Variants in CENPO observed in about 807,000 individuals in gnomAD.
The protein encoded by CENPO is centromeric protein O.
A neutral mutation model predicts 36.1 loss-of-function variants in CENPO; 30 were observed. That is an observed-to-expected ratio of 0.83 (90% CI 0.62 to 1.13). CENPO has a LOEUF of 1.13. CENPO is among the 50% of genes most tolerant of loss of function. The pLI, the probability that CENPO is intolerant of heterozygous loss-of-function variation, is 0.00. For synonymous variants in CENPO, 171 were observed against 142.3 expected (o/e 1.20, Z -1.44); for missense variants, 349 against 357.8 (o/e 0.98, Z 0.20).
intron 3 of CENPO, among the ~76,000 whole-genome samples, chr2:24,808,166 A>G (rs1666503479): frequency 6.6e-6 from 1 of 152,134 alleles, no homozygotes. Flanking sequence ...TGTTTAATAA[A>G]TCTTTGTCTA....
rs150701380 is a variant in CENPO, at chr2:24,814,399, A to G, written c.240A>G (p.Val80=). ...AGGTGAAAGCATGTATTGCCAATGT[A>G]GAACCCAACCAAACAGTGGAGATCA... ...RASVKACIAN[V]EPNQTVEINE... is the part of the protein sequence containing the mutation. Residue 80 remains valine, a synonymous_variant, in exon 4 of 8, where the codon GTA becomes GTG. Coordinates refer to ENST00000380834, the MANE Select transcript of CENPO (RefSeq NM_001322101.2). 77 of 1,594,764 alleles carry G rather than the reference A, an allele frequency of 4.8e-5. No homozygotes were observed. The African/African-American group carries it at 8.4e-4, about 17-fold the overall frequency.
In CENPO at chr2:24,822,071, G is replaced by A. The variant is rs1667816112; in HGVS notation, c.*2753G>A. ...GGTTGTAGAGGTAAAGCAGGATGATGGTGTTTTAAGACCAGAGCTTGGGAC... is the reference window on the plus strand; with the variant it reads ...GGTTGTAGAGGTAAAGCAGGATGATAGTGTTTTAAGACCAGAGCTTGGGAC... On this transcript the variant is annotated 3_prime_UTR_variant, in exon 8 of 8. Transcript: ENST00000380834. The A allele has an allele frequency of 5.3e-6, 1 of 189,644 alleles. No homozygotes were observed. The highest frequency in any genetic ancestry group is 2.3e-5 in the African/African-American group (1 of 42,664). The allele number at this position is 189,644 out of a possible 1,614,324, so 11.7% of individuals were successfully genotyped here.
chr2:24,805,055 TCTTG>T (rs1666330799), intron 3 of CENPO, among the ~76,000 whole-genome samples: 1 of 152,208 alleles, frequency 6.6e-6, no homozygotes, highest in South Asian at 2.1e-4. Context: ...AAACTTCTCT[TCTTG>T]CTTCATTTCA....
intron 2 of CENPO, among the ~76,000 whole-genome samples, chr2:24,794,631 G>A (rs1363326728): frequency 1.3e-5 from 2 of 152,296 alleles, no homozygotes; most frequent in South Asian, 2.1e-4. Context: ...TTAGAATTAC[G>A]AAACTATTAC....
chr2:24,817,579 C>G, intron 6 of CENPO, 91 bp from the exon 7 acceptor site: 1 of 1,532,770 alleles, frequency 6.5e-7, no homozygotes, highest in East Asian at 2.3e-5. Flanking sequence ...TCCGATTCCC[C>G]CAGCTGCACT....
rs141175683 is a variant in CENPO, at chr2:24,820,769, A to G, written c.*1451A>G. 1 of 1,614,040 alleles carries G rather than the reference A, an allele frequency of 6.2e-7. No homozygotes were observed. The highest frequency in any genetic ancestry group is 8.5e-7 in the Non-Finnish European group (1 of 1,179,984). On this transcript the variant is annotated 3_prime_UTR_variant, in exon 8 of 8. Transcript: ENST00000380834. ...CCGTGGACTCCATCCTGCTGGCTAC[A>G]TTGACTGTATTGCCCCAGATGTCGT...
chr2:24,797,375 GC>G (rs1006505216), intron 2 of CENPO, among the ~76,000 whole-genome samples: 1 of 152,168 alleles, frequency 6.6e-6, no homozygotes, highest in African/African-American at 2.4e-5. Flanking sequence ...CACTGAGAAG[GC>G]AGGTGGATAT....
In CENPO at chr2:24,799,435, C is replaced by T. The variant is rs1344547999; in HGVS notation, c.47-240C>T. On this transcript the variant is annotated intron_variant, in intron 2 of 7. Transcript: ENST00000380834. ...GCGTGTGATAGTTCATATCCTCTCTCGGGCTGTCTTTGAGGAGGATCCTGT... is the reference window on the plus strand; with the variant it reads ...GCGTGTGATAGTTCATATCCTCTCTTGGGCTGTCTTTGAGGAGGATCCTGT... Among the ~76,000 whole-genome samples, 9 of 152,158 alleles carry T rather than the reference C, an allele frequency of 5.9e-5. No homozygotes were observed. The South Asian group carries it at 1.4e-3, about 25-fold the overall frequency.
chr2:24,794,101 G>A (rs768278034), intron 2 of CENPO, 136 bp downstream of exon 2: 22 of 734,602 alleles, frequency 3.0e-5, no homozygotes, highest in Non-Finnish European at 5.4e-5. Context: ...TAACATTGAA[G>A]ACAAAGGGAC....
intron 3 of CENPO, among the ~76,000 whole-genome samples, chr2:24,806,901 A>G (rs1255808486): frequency 6.6e-6 from 1 of 152,134 alleles, no homozygotes; most frequent in African/African-American, 2.4e-5. Flanking sequence ...TCCTTCCTCC[A>G]TTGCCACAGC....
At chr2:24,797,121 C>G (rs1025859964) in intron 2 of CENPO, among the ~76,000 whole-genome samples, 2 of 152,206 alleles carry the variant, frequency 1.3e-5, no homozygotes, top group African/African-American at 4.8e-5. Context: ...GTAGCTTGAA[C>G]TACAATGGTG....
intron 3 of CENPO, among the ~76,000 whole-genome samples, chr2:24,810,986 C>T (rs892445125): frequency 1.3e-5 from 2 of 152,034 alleles, no homozygotes; most frequent in Non-Finnish European, 2.9e-5. Context: ...CTCTGTCGCC[C>T]AGGCTGGAGT....
intron 5 of CENPO, chr2:24,816,423 T>C: frequency 4.1e-6 from 2 of 489,232 alleles, no homozygotes; most frequent in Non-Finnish European, 7.2e-6. Context: ...GCTGTACCCC[T>C]GGCCATTTAG....
intron 4 of CENPO, among the ~76,000 whole-genome samples, 153 bp from the exon 5 acceptor site, chr2:24,815,344 C>A (rs1387261505): frequency 6.6e-6 from 1 of 152,020 alleles, no homozygotes; most frequent in Non-Finnish European, 1.5e-5. Context: ...TGAGCCGGAG[C>A]CAAGGGGAAG....
At chr2:24,800,676 G>C (rs1246478555) in intron 3 of CENPO, among the ~76,000 whole-genome samples, 3 of 151,996 alleles carry the variant, frequency 2.0e-5, no homozygotes, top group Admixed American at 6.6e-5. Context: ...TTATGGCTGC[G>C]TAATATTCCA....
Position 24,820,101 on chromosome 2 carries a change from G to T in CENPO, c.*783G>T. The T allele has an allele frequency of 1.4e-6, 2 of 1,450,228 alleles. No individual in the cohort carries two copies. The highest frequency in any genetic ancestry group is 1.2e-5 in the South Asian group (1 of 80,206). 89.8% of individuals were successfully genotyped at this position (1,450,228 alleles called of 1,614,324 possible). A position where few individuals can be genotyped will look rare whatever the true frequency, so the allele number is the denominator to read the frequency against. On this transcript the variant is annotated 3_prime_UTR_variant, in exon 8 of 8. Coordinates refer to ENST00000380834, the MANE Select transcript of CENPO (RefSeq NM_001322101.2). ...GCCGTACTCTCGGAGGATGACTTGG[G>T]TTTCTTCTACCACCTGGAGAGGGAG...
chr2:24,819,672 C>T lies in CENPO; in HGVS notation c.*354C>T, dbSNP rs1667242134. ...GGTCAGGGCCCCTCAGGGGCAAGGA[C>T]GGCAGGGATTGGAACGAGGGCTCTG... On this transcript the variant is annotated 3_prime_UTR_variant, in exon 8 of 8. Transcript: ENST00000380834. The T allele has an allele frequency of 1.3e-5, 5 of 388,058 alleles. No homozygotes were observed. Among genetic ancestry groups the T allele is most frequent in the East Asian group, 9.8e-5 (2 of 20,356 alleles). 24.0% of individuals were successfully genotyped at this position (388,058 alleles called of 1,614,324 possible).
intron 4 of CENPO, among the ~76,000 whole-genome samples, chr2:24,815,003 G>A (rs1002607611): frequency 4.6e-5 from 7 of 152,108 alleles, no homozygotes; most frequent in African/African-American, 1.7e-4. Flanking sequence ...CACTTTGGGA[G>A]GCTGAGGCAG....
In CENPO at chr2:24,793,450, G is replaced by C; in HGVS notation, c.-120G>C. Reference sequence around the variant, plus strand: ...AGGATCGCAAAGCACGCCGGGACCGGTTGGTTTGGTTTTGAAGACGTGGAT... The same window carrying C: ...AGGATCGCAAAGCACGCCGGGACCGCTTGGTTTGGTTTTGAAGACGTGGAT... On this transcript the variant is annotated 5_prime_UTR_variant, in exon 1 of 8. Coordinates refer to ENST00000380834, the MANE Select transcript of CENPO (RefSeq NM_001322101.2). 1 of 1,605,822 alleles carries C rather than the reference G, an allele frequency of 6.2e-7. No individual in the cohort carries two copies. The highest frequency in any genetic ancestry group is 1.1e-5 in the South Asian group (1 of 90,288).
Sources: allele counts gnomAD v4.1 joint callset (sites outside exome capture counted in the v4.1 genomes callset), GRCh38; gene constraint gnomAD v4.1.1; transcripts MANE v1.5; gene names NCBI Gene and HGNC (gene_info 2026-07-23, HGNC 2026-07-21).